Variants in DMXL2 observed in about 807,000 individuals in gnomAD.
The protein encoded by DMXL2 is dmX-like protein 2.
A neutral mutation model predicts 331.1 loss-of-function variants in DMXL2; 103 were observed. The observed-to-expected ratio is 0.31, with a 90% confidence interval of 0.27 to 0.37. The LOEUF is 0.37. DMXL2 is among the 10% of genes least tolerant of loss of function. DMXL2 has a pLI of 1.00. For synonymous variants in DMXL2, 1,281 were observed against 1,252.1 expected, an observed-to-expected ratio of 1.02 and a Z score of -0.49; for missense variants, 3,171 against 3,642.9, an observed-to-expected ratio of 0.87 and a Z score of 3.33.
At chr15:51,600,904 TA>T (rs2053180299) in intron 1 of DMXL2, among the ~76,000 whole-genome samples, 1 of 152,010 alleles carries the variant, frequency 6.6e-6, no homozygotes, top group Non-Finnish European at 1.5e-5. Context: ...AGCTCCACAA[TA>T]ATCCCTGGAG....
chr15:51,599,786 A>C (rs1051283938), intron 1 of DMXL2, among the ~76,000 whole-genome samples: 2 of 151,340 alleles, frequency 1.3e-5, no homozygotes, highest in African/African-American at 4.9e-5. Context: ...TGCAACCTTC[A>C]CCTCCCACGT....
chr15:51,469,570 A>G (rs2040906268), intron 29 of DMXL2, among the ~76,000 whole-genome samples: 1 of 152,234 alleles, frequency 6.6e-6, no homozygotes, highest in Non-Finnish European at 1.5e-5. Context: ...TCTTTGTTGC[A>G]CAGATGAGTG....
chr15:51,519,745 T>C (rs758104965), intron 13 of DMXL2, among the ~76,000 whole-genome samples: 2 of 148,594 alleles, frequency 1.3e-5, no homozygotes, highest in East Asian at 4.0e-4. Context: ...CGAGTTCAAG[T>C]GATTCTCCTG....
At chr15:51,484,072 G>C (rs1283865735) in intron 23 of DMXL2, among the ~76,000 whole-genome samples, 2 of 151,592 alleles carry the variant, frequency 1.3e-5, no homozygotes, top group African/African-American at 2.4e-5. Context: ...AATAACCCAT[G>C]GGCAACACCT....
At chr15:51,557,373 A>C (rs2049666114) in intron 6 of DMXL2, among the ~76,000 whole-genome samples, 1 of 152,158 alleles carries the variant, frequency 6.6e-6, no homozygotes, top group African/African-American at 2.4e-5. Flanking sequence ...TTACTGAGGA[A>C]AAAAAGGTCT....
At chr15:51,578,011 T>G (rs1438512261) in intron 1 of DMXL2, among the ~76,000 whole-genome samples, 10 of 152,148 alleles carry the variant, frequency 6.6e-5, no homozygotes, top group Non-Finnish European at 1.5e-4. Flanking sequence ...TCCCAGTTAC[T>G]CTAATGGGGA....
intron 20 of DMXL2, among the ~76,000 whole-genome samples, chr15:51,491,314 G>A (rs553358009): frequency 1.3e-5 from 2 of 152,176 alleles, no homozygotes; most frequent in East Asian, 1.9e-4. Context: ...GGTGGCGCAC[G>A]CCTGTAGTCC....
intron 32 of DMXL2, among the ~76,000 whole-genome samples, chr15:51,464,331 T>C (rs1041939585): frequency 2.0e-5 from 3 of 152,078 alleles, no homozygotes; most frequent in Admixed American, 1.3e-4. Flanking sequence ...GCCCAGGAGG[T>C]TGAGGCTGCA....
intron 6 of DMXL2, among the ~76,000 whole-genome samples, chr15:51,551,002 C>T (rs1011371430): frequency 2.6e-5 from 4 of 151,924 alleles, no homozygotes; most frequent in Admixed American, 1.3e-4. Flanking sequence ...AAAACCCTGT[C>T]ATGTGTAGCA....
intron 1 of DMXL2, among the ~76,000 whole-genome samples, chr15:51,595,500 G>A (rs913349023): frequency 3.3e-5 from 5 of 152,148 alleles, no homozygotes; most frequent in African/African-American, 7.2e-5. Flanking sequence ...TACTGCCCAA[G>A]GTAATTTATA....
At chr15:51,488,502 A>C in intron 21 of DMXL2, 46 bp downstream of exon 21, 1 of 1,502,420 alleles carries the variant, frequency 6.7e-7, no homozygotes, top group Non-Finnish European at 9.2e-7. Context: ...TACTCACAGC[A>C]CAATCTTCAT....
intron 25 of DMXL2, among the ~76,000 whole-genome samples, chr15:51,479,294 G>C (rs1358287427): frequency 6.6e-6 from 1 of 152,270 alleles, no homozygotes; most frequent in South Asian, 2.1e-4. Context: ...CAGGGGACCT[G>C]AATTGTGCAT....
rs763931958 is a variant in DMXL2 at position 51,480,693 on chromosome 15, C to T, written c.6413G>A (p.Arg2138Gln). The T allele has an allele frequency of 2.5e-6, 4 of 1,612,066 alleles. No homozygotes were observed. The highest frequency in any genetic ancestry group is 3.4e-6 in the Non-Finnish European group (4 of 1,178,662). The change falls in exon 24 of 44, where the codon CGA becomes CAA. Residue 2138 changes from arginine to glutamine, a missense_variant. Transcript: ENST00000560891. Reference sequence around the variant, plus strand: ...CGACTTTCGTCTTTCTGCATGCTCTCGTTTGGCCTGCAATCTTCTTCTTTC... The same window carrying T: ...CGACTTTCGTCTTTCTGCATGCTCTTGTTTGGCCTGCAATCTTCTTCTTTC... ...QIERRRLQAK[R>Q]EHAERRKSWL...
In DMXL2 at chr15:51,481,159, C is replaced by T. The variant is rs148712939; in HGVS notation, c.5947G>A (p.Asp1983Asn). The change falls in exon 24 of 44, where the codon GAC (aspartate) becomes AAC (asparagine). Residue 1983 changes from aspartate (D) to asparagine (N), a missense_variant. Asp to Asn is a conservative substitution (Grantham distance 23). Transcript: ENST00000560891. ...PLNLDWGEDH[D>N]SALDEEEDDA... ...TCTTCCTCTTCATCTAAGGCACTGT[C>T]GTGATCTTCACCCCAATCAAGATTA... The T allele has an allele frequency of 7.6e-5, 123 of 1,613,500 alleles. No individual in the cohort carries two copies. The highest frequency in any genetic ancestry group is 1.0e-4 in the Non-Finnish European group (122 of 1,179,712).
intron 1 of DMXL2, among the ~76,000 whole-genome samples, chr15:51,586,827 C>T (rs958385380): frequency 1.2e-4 from 18 of 152,104 alleles, no homozygotes; most frequent in African/African-American, 3.9e-4. Flanking sequence ...AAAACCAACT[C>T]TATCTCCAGC....
At chr15:51,459,485 A>G in intron 34 of DMXL2, 113 bp downstream of exon 34, 2 of 809,076 alleles carry the variant, frequency 2.5e-6, no homozygotes, top group Non-Finnish European at 1.8e-6. Context: ...TGGGAGTACT[A>G]TGAGTTCTCT....
intron 1 of DMXL2, among the ~76,000 whole-genome samples, chr15:51,578,626 A>G (rs2051204752): frequency 6.6e-6 from 1 of 152,372 alleles, no homozygotes; most frequent in East Asian, 1.9e-4. Context: ...TAAGTACAAT[A>G]TACCTTTTGA....
chr15:51,487,450 T>C (rs887630261), intron 22 of DMXL2, among the ~76,000 whole-genome samples: 3 of 148,698 alleles, frequency 2.0e-5, no homozygotes, highest in African/African-American at 7.3e-5. Flanking sequence ...ATGTGCCATA[T>C]ATGAAATTTT....
intron 1 of DMXL2, among the ~76,000 whole-genome samples, chr15:51,589,172 G>A (rs781749444): frequency 6.6e-6 from 1 of 152,174 alleles, no homozygotes; most frequent in Non-Finnish European, 1.5e-5. Context: ...AAAAGACCCA[G>A]AGTTACCAGA....
Sources: gnomAD v4.1 joint callset for allele counts (sites outside exome capture counted in the v4.1 genomes callset) on GRCh38, gnomAD v4.1.1 for gene constraint, MANE v1.5 for transcripts, NCBI Gene and HGNC (gene_info 2026-07-23, HGNC 2026-07-21) for gene names.